Variants in UNC13C observed in about 807,000 individuals in gnomAD.
UNC13C encodes the protein protein unc-13 homolog C.
Under a neutral mutation model 245.4 loss-of-function variants are expected in UNC13C, and 174 were observed. The ratio of observed to expected loss-of-function variants is 0.71; its 90% CI spans 0.63 to 0.80. The LOEUF (loss-of-function observed/expected upper bound fraction) is 0.80. Ranked by LOEUF, UNC13C falls within the 30% of genes least tolerant of loss-of-function variation. The pLI is 0.00. For missense variants in UNC13C, 2,829 were observed against 2,602.9 expected (o/e 1.09, Z -1.89); for synonymous variants, 992 against 895.1 (o/e 1.11, Z -1.93).
Position 54,203,764 on chromosome 15 carries a change from ATG to A in UNC13C, c.3072-31264_3072-31263del, listed in dbSNP as rs1567094812. ...TATATATGTATATATACACATATAT[ATG>A]TATATATACACACACATATAGATAT... On this transcript the variant is annotated intron_variant, in intron 4 of 32. Coordinates refer to ENST00000260323, the MANE Select transcript of UNC13C (RefSeq NM_001080534.3). Among the ~76,000 whole-genome samples, 8 of 116,354 alleles carry A rather than the reference ATG, an allele frequency of 6.9e-5. No homozygotes were observed. In the East Asian group the frequency reaches 8.3e-4, roughly 12 times the overall value. The allele number at this position is 116,354 out of a possible 152,430, so 76.3% of individuals were successfully genotyped here. A position where few individuals can be genotyped will look rare whatever the true frequency, so the allele number is the denominator to read the frequency against.
At chr15:54,057,635 C>T (rs1897597147) in intron 2 of UNC13C, among the ~76,000 whole-genome samples, 1 of 152,178 alleles carries the variant, frequency 6.6e-6, no homozygotes, top group African/African-American at 2.4e-5. Flanking sequence ...CAGAGCTCTC[C>T]ACCCCAAATC....
At chr15:54,499,518 A>G (rs1482941284) in intron 20 of UNC13C, among the ~76,000 whole-genome samples, 3 of 152,154 alleles carry the variant, frequency 2.0e-5, no homozygotes, top group Admixed American at 6.6e-5. Context: ...TGCAAATTCA[A>G]TGCGGTGGGG....
chr15:54,582,760 C>T lies in UNC13C; in HGVS notation c.6106+14813C>T, dbSNP rs16974866. Among the ~76,000 whole-genome samples the T allele has an allele frequency of 9.8e-3, 1,499 of 152,214 alleles. 26 individuals carry two copies. The highest frequency in any genetic ancestry group is 0.034 in the African/African-American group (1,415 of 41,528). On this transcript the variant is annotated intron_variant, in intron 30 of 32. Coordinates refer to ENST00000260323, the MANE Select transcript of UNC13C (RefSeq NM_001080534.3). ...CAAAACTGTGAATTATGACGACCAC[C>T]ACTACTGTTAGCCTGACTCCTTGTT...
At chr15:54,076,070 T>TTA (rs1305172131) in intron 2 of UNC13C, among the ~76,000 whole-genome samples, 3 of 149,478 alleles carry the variant, frequency 2.0e-5, no homozygotes, top group East Asian at 2.0e-4. Flanking sequence ...ATTCTTTTTT[T>TTA]TTTTTTTTCA....
intron 2 of UNC13C, among the ~76,000 whole-genome samples, chr15:54,125,929 CTG>C (rs1475145563): frequency 2.0e-5 from 3 of 152,024 alleles, no homozygotes; most frequent in Non-Finnish European, 4.4e-5. Flanking sequence ...GAATTAAAGT[CTG>C]TGGTAATTTT....
chr15:54,107,975 G>A (rs1482886444), intron 2 of UNC13C, among the ~76,000 whole-genome samples: 4 of 152,158 alleles, frequency 2.6e-5, no homozygotes, highest in Non-Finnish European at 5.9e-5. Context: ...AGGCAAAAGA[G>A]TGACGGTTTC....
intron 18 of UNC13C, among the ~76,000 whole-genome samples, chr15:54,404,657 G>A (rs957861928): frequency 6.6e-6 from 1 of 151,818 alleles, no homozygotes; most frequent in Admixed American, 6.6e-5. Context: ...AATATATATG[G>A]TACATAGGAA....
At chr15:53,875,120 A>T in the UNC13C span, among the ~76,000 whole-genome samples, 1 of 152,160 alleles carries the variant, frequency 6.6e-6, no homozygotes, top group Admixed American at 6.6e-5. Context: ...TCTTATATGC[A>T]TGTGACTTTC....
intron 4 of UNC13C, among the ~76,000 whole-genome samples, chr15:54,167,500 CAAAAAA>C (rs67762910): frequency 1.2e-4 from 11 of 90,650 alleles, no homozygotes; most frequent in Admixed American, 5.3e-4. Context: ...ACACTCGTCT[CAAAAAA>C]AAAAAAAAAA....
At position 54,385,012 on chromosome 15, in the gene UNC13C, C is replaced by T. The variant is rs575513887; in HGVS notation, c.4714-8036C>T. Among the ~76,000 whole-genome samples the T allele has an allele frequency of 6.6e-5, 10 of 152,126 alleles. No individual in the cohort carries two copies. In the South Asian group the frequency reaches 2.1e-3, roughly 32 times the overall value. The stretch of plus-strand genomic sequence containing the variant: ...ATAATTTTTAAAAGACAAAAAATAT[C>T]AGATGCTGGCAAGGACGTGAGGAAA... On this transcript the variant is annotated intron_variant, in intron 17 of 32. Transcript: ENST00000260323.
chr15:54,309,611 T>A (rs1403920333), intron 13 of UNC13C, among the ~76,000 whole-genome samples: 1 of 151,928 alleles, frequency 6.6e-6, no homozygotes, highest in African/African-American at 2.4e-5. Flanking sequence ...CCTCTATGTT[T>A]TCTTCTAGTA....
intron 4 of UNC13C, among the ~76,000 whole-genome samples, chr15:54,228,521 G>T (rs904339758): frequency 6.6e-6 from 1 of 152,160 alleles, no homozygotes; most frequent in African/African-American, 2.4e-5. Context: ...GTACTACCTG[G>T]CTACGGCTCC....
Position 54,013,490 on chromosome 15 carries a change from C to G in UNC13C, c.587C>G (p.Ser196Ter). 2 of 1,613,824 alleles carry G rather than the reference C, an allele frequency of 1.2e-6. No homozygotes were observed. Among genetic ancestry groups the G allele is most frequent in the Non-Finnish European group, 8.5e-7 (1 of 1,179,842 alleles). ...KWKKSQECVS[S>*]DSELSTMKKS... The stretch of plus-strand genomic sequence containing the variant: ...AAAAAGAGTCAAGAATGTGTCTCCT[C>G]AGACTCAGAGTTAAGCACCATGAAA... Residue 196 changes from serine to a stop codon, truncating the protein, a stop_gained, in exon 2 of 33, where the codon TCA becomes TGA. Coordinates refer to ENST00000260323, the MANE Select transcript of UNC13C (RefSeq NM_001080534.3). LOFTEE classifies it high-confidence loss of function.
chr15:54,175,508 A>ATTTTTTTTTTTTT lies in UNC13C; in HGVS notation c.3071+31834_3071+31846dup, dbSNP rs55925649. ...AAAACACTGTTGTTGTGGCCCTAGAATTTTTTTTTTTTTTTTTTTTTTGAG... is the reference window on the plus strand; with the variant it reads ...AAAACACTGTTGTTGTGGCCCTAGAATTTTTTTTTTTTTTTTTTTTTTTTTTTTTTTTTTTGAG... On this transcript the variant is annotated intron_variant, in intron 4 of 32. Transcript: ENST00000260323. 1.6e-4 allele frequency among the ~76,000 whole-genome samples: 17 copies of ATTTTTTTTTTTTT among 106,044 alleles called. 1 individual carries two copies. The highest frequency in any genetic ancestry group is 6.1e-4 in the African/African-American group (16 of 26,208). 69.6% of individuals were successfully genotyped at this position (106,044 alleles called of 152,430 possible). A position where few individuals can be genotyped will look rare whatever the true frequency, so the allele number is the denominator to read the frequency against.
rs1438872584 is a variant in UNC13C, at chr15:54,204,931, C to A, written c.3072-30099C>A. The stretch of plus-strand genomic sequence containing the variant: ...CATCATTACATATAAGTCATTTAAT[C>A]ATAAAACAGTTTCAATGTCATGTTA... On this transcript the variant is annotated intron_variant, in intron 4 of 32. Transcript: ENST00000260323. Among the ~76,000 whole-genome samples, 12 of 152,066 alleles carry A rather than the reference C, an allele frequency of 7.9e-5. No homozygotes were observed. In the East Asian group the frequency reaches 1.2e-3, roughly 15 times the overall value.
chr15:53,933,921 A>G, the UNC13C span, among the ~76,000 whole-genome samples: 1 of 152,174 alleles, frequency 6.6e-6, no homozygotes, highest in African/African-American at 2.4e-5. Context: ...GTATTTTATA[A>G]AGGAAAGAGT....
intron 1 of UNC13C, among the ~76,000 whole-genome samples, chr15:53,999,827 A>T (rs1202042866): frequency 2.0e-5 from 3 of 152,022 alleles, no homozygotes; most frequent in Admixed American, 6.6e-5. Context: ...ACTTTAAAAG[A>T]TAGCTGTGGA....
intron 14 of UNC13C, among the ~76,000 whole-genome samples, chr15:54,325,446 A>G (rs1234991879): frequency 3.9e-5 from 6 of 152,074 alleles, no homozygotes; most frequent in African/African-American, 1.4e-4. Context: ...GTTCCAGGGT[A>G]CATGTGCACA....
intron 1 of UNC13C, among the ~76,000 whole-genome samples, chr15:54,003,005 C>A (rs1894965950): frequency 6.6e-6 from 1 of 152,232 alleles, no homozygotes; most frequent in African/African-American, 2.4e-5. Context: ...CTTTCCTTTT[C>A]ATGCTGTGTA....
Sources: allele counts gnomAD v4.1 joint callset (sites outside exome capture counted in the v4.1 genomes callset), GRCh38; gene constraint gnomAD v4.1.1; transcripts MANE v1.5; gene names NCBI Gene and HGNC (gene_info 2026-07-23, HGNC 2026-07-21).